Variants in GLI3 observed in about 807,000 individuals in gnomAD.
The protein encoded by GLI3 is transcription activator GLI3.
In GLI3, 20 loss-of-function variants were observed where a neutral mutation model predicts 100.8. That is an observed-to-expected ratio of 0.20 (90% CI 0.14 to 0.29). The LOEUF is 0.29. Ranked by LOEUF, GLI3 falls within the 10% of genes least tolerant of loss-of-function variation. The pLI, the probability that GLI3 is intolerant of heterozygous loss-of-function variation, is 1.00. For missense variants in GLI3, 2,040 were observed against 2,128.5 expected (o/e 0.96, Z 0.82); for synonymous variants, 938 against 860.5 (o/e 1.09, Z -1.58).
At chr7:42,016,241 C>T (rs967033695) in intron 10 of GLI3, among the ~76,000 whole-genome samples, 3 of 152,080 alleles carry the variant, frequency 2.0e-5, no homozygotes, top group South Asian at 2.1e-4. Flanking sequence ...ATGGAATCTC[C>T]GCACTGCAGA....
chr7:42,057,441 A>C (rs948070582), intron 4 of GLI3, among the ~76,000 whole-genome samples: 72 of 152,354 alleles, frequency 4.7e-4, no homozygotes, highest in African/African-American at 1.6e-3. Flanking sequence ...TACTTGCACA[A>C]ATTCTTACCA....
At chr7:42,046,359 C>T (rs199697248) in intron 5 of GLI3, among the ~76,000 whole-genome samples, 4 of 152,138 alleles carry the variant, frequency 2.6e-5, no homozygotes, top group Admixed American at 1.3e-4. Context: ...AAAAGTTTTA[C>T]GATTATTATC....
intron 2 of GLI3, among the ~76,000 whole-genome samples, chr7:42,179,745 G>A (rs940822700): frequency 2.6e-5 from 4 of 152,080 alleles, no homozygotes; most frequent in Admixed American, 2.0e-4. Context: ...GAGACGGAGA[G>A]GTGAGGGAGT....
intron 3 of GLI3, among the ~76,000 whole-genome samples, chr7:42,137,653 AC>A (rs1275254928): frequency 6.6e-6 from 1 of 152,146 alleles, no homozygotes; most frequent in Non-Finnish European, 1.5e-5. Flanking sequence ...CCCTCAGAGC[AC>A]CACCAGCTAT....
At chr7:42,222,994 G>A (rs1474283108) in intron 2 of GLI3, 136 bp downstream of exon 2, 16 of 780,432 alleles carry the variant, frequency 2.1e-5, no homozygotes, top group South Asian at 1.1e-4. Flanking sequence ...CCGTCCCCCC[G>A]CCCCTGCTCC....
intron 2 of GLI3, among the ~76,000 whole-genome samples, chr7:42,149,050 C>T (rs1311673774): frequency 6.6e-6 from 1 of 152,144 alleles, no homozygotes; most frequent in Non-Finnish European, 1.5e-5. Flanking sequence ...AGAGATTTGA[C>T]AGAGCCAAAA....
At chr7:42,071,225 G>T (rs1001920369) in intron 4 of GLI3, among the ~76,000 whole-genome samples, 1 of 151,884 alleles carries the variant, frequency 6.6e-6, no homozygotes, top group African/African-American at 2.4e-5. Flanking sequence ...TTGGGGGGGC[G>T]GTGGGGAGTG....
At chr7:42,009,780 G>A (rs949906441) in intron 10 of GLI3, among the ~76,000 whole-genome samples, 8 of 152,104 alleles carry the variant, frequency 5.3e-5, no homozygotes, top group African/African-American at 1.9e-4. Flanking sequence ...CACAGAAGAT[G>A]AGCAAACGAG....
chr7:42,027,141 C>T (rs1789141534), intron 7 of GLI3, among the ~76,000 whole-genome samples: 1 of 152,190 alleles, frequency 6.6e-6, no homozygotes, highest in Admixed American at 6.5e-5. Flanking sequence ...TATTATGCCA[C>T]ACTATTTCCC....
chr7:42,158,460 C>T (rs1787054599), intron 2 of GLI3, among the ~76,000 whole-genome samples: 2 of 151,986 alleles, frequency 1.3e-5, no homozygotes, highest in Admixed American at 1.3e-4. Context: ...CATTCATTTG[C>T]TTGCCACTGT....
intron 10 of GLI3, among the ~76,000 whole-genome samples, chr7:42,014,173 G>C (rs1788694030): frequency 6.6e-6 from 1 of 152,246 alleles, no homozygotes; most frequent in East Asian, 1.9e-4. Context: ...TCTTTCTAAA[G>C]CTGATGCTGG....
intron 10 of GLI3, among the ~76,000 whole-genome samples, chr7:41,991,861 A>C (rs1274085471): frequency 1.3e-5 from 2 of 152,162 alleles, no homozygotes; most frequent in East Asian, 3.8e-4. Context: ...AGAAAAACAC[A>C]ATGTGTTGGA....
chr7:42,113,707 A>C, intron 3 of GLI3: 1 of 691,266 alleles, frequency 1.4e-6, no homozygotes, highest in Non-Finnish European at 2.6e-6. Flanking sequence ...ATAAAAATGC[A>C]GAATTTTGTT....
intron 4 of GLI3, among the ~76,000 whole-genome samples, chr7:42,060,406 G>A (rs565421725): frequency 4.1e-4 from 63 of 152,120 alleles, no homozygotes; most frequent in African/African-American, 1.5e-3. Flanking sequence ...TAGATTAAGC[G>A]ATTTGATTTA....
rs145462103 is a variant in GLI3 at position 42,222,296 on chromosome 7, G to A, written c.124+834C>T. 2.2e-3 allele frequency among the ~76,000 whole-genome samples: 339 copies of A among 152,312 alleles called. 3 individuals carry two copies. Among genetic ancestry groups the A allele is most frequent in the African/African-American group, 7.7e-3 (319 of 41,562 alleles). On this transcript the variant is annotated intron_variant, in intron 2 of 14. Coordinates refer to ENST00000395925, the MANE Select transcript of GLI3 (RefSeq NM_000168.6). ...GCCCAGATAGGCAGTGTCCAGGAAC[G>A]AGGAAAACGGGCCAGCTCATTCTTC...
chr7:42,215,418 A>G (rs1157141097), intron 2 of GLI3, among the ~76,000 whole-genome samples: 1 of 152,078 alleles, frequency 6.6e-6, no homozygotes, highest in Admixed American at 6.5e-5. Flanking sequence ...GCCCTCCTCG[A>G]CCTTGGGGGT....
At chr7:42,253,949 A>G (rs540020394) in intron 1 of GLI3, among the ~76,000 whole-genome samples, 86 of 152,266 alleles carry the variant, frequency 5.6e-4, no homozygotes, top group Non-Finnish European at 8.7e-4. Flanking sequence ...GCCGGACATG[A>G]TGGTTCACGC....
At position 42,037,542 on chromosome 7, in the gene GLI3, C is replaced by T. The variant is rs563990340; in HGVS notation, c.1028+2496G>A. ...ATCTCATCTTGGGTTATCTGCATTA[C>T]CTGCTCTGTGTAAGAATAGACATAT... is the stretch of plus-strand genomic sequence containing the variant. On this transcript the variant is annotated intron_variant, in intron 7 of 14. Coordinates refer to ENST00000395925, the MANE Select transcript of GLI3 (RefSeq NM_000168.6). Among the ~76,000 whole-genome samples the T allele has an allele frequency of 2.7e-3, 411 of 152,276 alleles. 1 individual carries two copies. The highest frequency in any genetic ancestry group is 3.0e-3 in the Non-Finnish European group (203 of 68,026).
At chr7:42,075,643 C>T (rs551704019) in intron 4 of GLI3, among the ~76,000 whole-genome samples, 97 of 152,256 alleles carry the variant, frequency 6.4e-4, no homozygotes, top group African/African-American at 1.8e-3. Context: ...TCTATAAATA[C>T]CCACTTCTCC....
Sources: allele counts gnomAD v4.1 joint callset (sites outside exome capture counted in the v4.1 genomes callset), GRCh38; gene constraint gnomAD v4.1.1; transcripts MANE v1.5; gene names NCBI Gene and HGNC (gene_info 2026-07-23, HGNC 2026-07-21).